Variants in ANKS1B observed in about 807,000 individuals in gnomAD.
ANKS1B encodes the protein ankyrin repeat and sterile alpha motif domain-containing protein 1B.
A neutral mutation model predicts 148.3 loss-of-function variants in ANKS1B; 36 were observed. The observed-to-expected ratio is 0.24, with a 90% CI of 0.19 to 0.32. ANKS1B has a LOEUF of 0.32. Among genes scored for constraint, ANKS1B ranks in the 10% least tolerant of loss-of-function variants. The probability of loss-of-function intolerance (pLI) is 1.00; values close to 1 mark genes in which losing one functional copy is unlikely to be tolerated. For missense variants in ANKS1B, 1,157 were observed against 1,542.6 expected, an observed-to-expected ratio of 0.75 and a Z score of 4.19; for synonymous variants, 542 against 560.8, an observed-to-expected ratio of 0.97 and a Z score of 0.47.
chr12:99,458,306 T>C (rs559473791), intron 10 of ANKS1B, among the ~76,000 whole-genome samples: 18 of 151,912 alleles, frequency 1.2e-4, no homozygotes, highest in African/African-American at 4.1e-4. Context: ...GCATCAAATG[T>C]CTACTTCAAA....
chr12:98,802,113 T>C (rs565857965), intron 20 of ANKS1B, among the ~76,000 whole-genome samples: 2 of 152,344 alleles, frequency 1.3e-5, no homozygotes, highest in South Asian at 2.1e-4. Context: ...TAAAACTAAA[T>C]AGGCAGATTT....
chr12:99,318,844 G>A (rs143485124), intron 12 of ANKS1B, among the ~76,000 whole-genome samples: 345 of 151,904 alleles, frequency 2.3e-3, no homozygotes, highest in African/African-American at 7.8e-3. Flanking sequence ...TGCTTTAAAT[G>A]TGTCCCAGAG....
intron 12 of ANKS1B, among the ~76,000 whole-genome samples, chr12:99,248,306 T>C (rs1270044683): frequency 6.6e-6 from 1 of 152,188 alleles, no homozygotes; most frequent in Non-Finnish European, 1.5e-5. Flanking sequence ...TATTCCTAGC[T>C]ATGTATCTCT....
At chr12:99,768,825 GAAAAAAAAAAAA>G (rs71088151) in intron 8 of ANKS1B, among the ~76,000 whole-genome samples, 1 of 69,402 alleles carries the variant, frequency 1.4e-5, no homozygotes, top group African/African-American at 5.8e-5. Flanking sequence ...CTCCGTCTCA[GAAAAAAAAAAAA>G]AAAAAAAAAA....
chr12:99,854,580 CGTAG>C (rs2088652374), intron 1 of ANKS1B, among the ~76,000 whole-genome samples: 1 of 152,076 alleles, frequency 6.6e-6, no homozygotes, highest in South Asian at 2.1e-4. Flanking sequence ...AAGATCATCA[CGTAG>C]GTACACAGTC....
At chr12:99,943,997 C>T (rs1303616521) in intron 1 of ANKS1B, among the ~76,000 whole-genome samples, 1 of 151,964 alleles carries the variant, frequency 6.6e-6, no homozygotes, top group African/African-American at 2.4e-5. Context: ...TGTTCCCCTC[C>T]CTGTGCCCAT....
At chr12:99,334,268 G>A (rs527953114) in intron 12 of ANKS1B, among the ~76,000 whole-genome samples, 1 of 152,032 alleles carries the variant, frequency 6.6e-6, no homozygotes, top group African/African-American at 2.4e-5. Context: ...CAATTTTCCT[G>A]GTACTGGATG....
At chr12:99,592,415 T>C (rs1286434713) in intron 9 of ANKS1B, among the ~76,000 whole-genome samples, 1 of 151,818 alleles carries the variant, frequency 6.6e-6, no homozygotes, top group East Asian at 1.9e-4. Context: ...GGGTATTTCA[T>C]TCCACTATCC....
At chr12:99,613,713 G>A (rs2097921350) in intron 9 of ANKS1B, among the ~76,000 whole-genome samples, 1 of 152,034 alleles carries the variant, frequency 6.6e-6, no homozygotes, top group South Asian at 2.1e-4. Flanking sequence ...GGGGTAGAGG[G>A]TAGGAGGAGG....
chr12:99,308,238 C>A (rs1399160549), intron 12 of ANKS1B, among the ~76,000 whole-genome samples: 1 of 152,068 alleles, frequency 6.6e-6, no homozygotes, highest in Non-Finnish European at 1.5e-5. Flanking sequence ...TAAGACATAA[C>A]ATATCAGATA....
intron 11 of ANKS1B, 34 bp from the exon 12 acceptor site, chr12:99,399,845 T>C (rs1056829570): frequency 1.9e-6 from 3 of 1,605,968 alleles, no homozygotes; most frequent in Non-Finnish European, 2.6e-6. Context: ...AGTATTAATA[T>C]GATCATGTTC....
chr12:99,752,425 G>T (rs1439736352), intron 8 of ANKS1B, among the ~76,000 whole-genome samples: 1 of 151,794 alleles, frequency 6.6e-6, no homozygotes, highest in Non-Finnish European at 1.5e-5. Context: ...AAATGCCTCA[G>T]TCGTTTTTTT....
chr12:99,113,952 G>T (rs17029077), intron 15 of ANKS1B, among the ~76,000 whole-genome samples: 1 of 152,018 alleles, frequency 6.6e-6, no homozygotes, highest in African/African-American at 2.4e-5. Context: ...ATATACTCTA[G>T]GTTTTAGCTT....
At chr12:99,338,343 C>T (rs113652366) in intron 12 of ANKS1B, among the ~76,000 whole-genome samples, 208 of 152,216 alleles carry the variant, frequency 1.4e-3, no homozygotes, top group African/African-American at 4.7e-3. Context: ...TGGCTATTGC[C>T]GATATTCACT....
Position 99,791,360 on chromosome 12 carries a change from A to G in ANKS1B, c.670-9263T>C, listed in dbSNP as rs540720077. Among the ~76,000 whole-genome samples the G allele has an allele frequency of 7.2e-5, 11 of 152,152 alleles. No homozygotes were observed. The South Asian group carries it at 2.3e-3, about 32-fold the overall frequency. On this transcript the variant is annotated intron_variant, in intron 4 of 26. Coordinates refer to ENST00000683438, the MANE Select transcript of ANKS1B (RefSeq NM_001352186.2). Reference sequence around the variant, plus strand: ...TTCAACTCCCCACTTTCAGCATTGGATAGATCTTCCAGACAGAAAATCAAC... The same window carrying G: ...TTCAACTCCCCACTTTCAGCATTGGGTAGATCTTCCAGACAGAAAATCAAC...
rs80283978 is a variant in ANKS1B at position 99,140,788 on chromosome 12, T to C, written c.2526+13501A>G. ...CCATGCTGAATCTAATGATTACAAA[T>C]ATCAAATGAGCCCTAAGCATGGCCC... is the stretch of plus-strand genomic sequence containing the variant. On this transcript the variant is annotated intron_variant, in intron 15 of 26. Coordinates refer to ENST00000683438, the MANE Select transcript of ANKS1B (RefSeq NM_001352186.2). Among the ~76,000 whole-genome samples, 993 of 152,230 alleles carry C rather than the reference T, an allele frequency of 6.5e-3. 12 individuals carry two copies. The highest frequency in any genetic ancestry group is 0.022 in the African/African-American group (918 of 41,546).
chr12:99,673,714 A>C (rs1048015450), intron 8 of ANKS1B, among the ~76,000 whole-genome samples: 1 of 151,916 alleles, frequency 6.6e-6, no homozygotes, highest in Non-Finnish European at 1.5e-5. Flanking sequence ...GAGACAAATT[A>C]AGGAATCAAA....
chr12:98,991,611 A>C (rs781400622), intron 17 of ANKS1B, among the ~76,000 whole-genome samples: 1 of 152,232 alleles, frequency 6.6e-6, no homozygotes, highest in African/African-American at 2.4e-5. Context: ...ATGCTCAGGC[A>C]CTATTCTAAG....
intron 14 of ANKS1B, among the ~76,000 whole-genome samples, chr12:99,228,419 AT>A (rs1207201864): frequency 5.3e-5 from 8 of 152,078 alleles, no homozygotes; most frequent in Non-Finnish European, 1.0e-4. Context: ...CAATCTATCT[AT>A]CTATCTATAT....
Sources: allele counts gnomAD v4.1 joint callset (sites outside exome capture counted in the v4.1 genomes callset), GRCh38; gene constraint gnomAD v4.1.1; transcripts MANE v1.5; gene names NCBI Gene and HGNC (gene_info 2026-07-23, HGNC 2026-07-21).